The following KIDINS220 variants were observed in gnomAD, a reference collection of about 807,000 sequenced individuals.
KIDINS220 encodes kinase D interacting substrate 220, also known as kinase D-interacting substrate of 220 kDa.
In KIDINS220, 63 loss-of-function variants were observed where a neutral mutation model predicts 157.6. That is an observed-to-expected ratio of 0.40 (90% CI 0.33 to 0.49). KIDINS220 has a LOEUF of 0.49. Ranked by LOEUF, KIDINS220 falls within the 20% of genes least tolerant of loss-of-function variation. KIDINS220 has a pLI of 0.66. For missense variants in KIDINS220, 1,772 were observed against 2,171.2 expected (o/e 0.82, Z 3.65); for synonymous variants, 732 against 783.6 (o/e 0.93, Z 1.10).
At chr2:8,746,515 C>CA (rs1666601673) in intron 26 of KIDINS220, 1 of 148,346 alleles carries the variant, frequency 6.7e-6, no homozygotes, top group African/African-American at 2.5e-5. Context: ...AAGGTGTTGG[C>CA]AAAAAATAAA....
chr2:8,823,667 T>C (rs531407362), intron 2 of KIDINS220, among the ~76,000 whole-genome samples: 11 of 152,318 alleles, frequency 7.2e-5, no homozygotes, highest in African/African-American at 2.6e-4. Context: ...TGCTATTTTT[T>C]CCTTCCAAGT....
At chr2:8,741,091 CA>C (rs1665560923) in intron 26 of KIDINS220, among the ~76,000 whole-genome samples, 1 of 152,042 alleles carries the variant, frequency 6.6e-6, no homozygotes, top group South Asian at 2.1e-4. Context: ...TAGAGATTTG[CA>C]AAAATACCAA....
At chr2:8,770,623 A>C in intron 22 of KIDINS220, 47 bp downstream of exon 22, 1 of 969,830 alleles carries the variant, frequency 1.0e-6, no homozygotes. Flanking sequence ...TTTTTTTTTT[A>C]ACTCAACCTA....
In KIDINS220 at chr2:8,823,193, C is replaced by T. The variant is rs187981270; in HGVS notation, c.108+3793G>A. ...CCCAGGCTGGTCTCAAACTCCTAGG[C>T]TCAAGAGATTCAGCCTCTCAAAGTG... On this transcript the variant is annotated intron_variant, in intron 2 of 29. Coordinates refer to ENST00000256707, the MANE Select transcript of KIDINS220 (RefSeq NM_020738.4). Among the ~76,000 whole-genome samples, 186 of 152,146 alleles carry T rather than the reference C, an allele frequency of 1.2e-3. 1 individual carries two copies. The highest frequency in any genetic ancestry group is 1.5e-3 in the Non-Finnish European group (102 of 67,994).
intron 29 of KIDINS220, among the ~76,000 whole-genome samples, chr2:8,733,128 G>A (rs185886077): frequency 6.6e-5 from 10 of 152,274 alleles, no homozygotes; most frequent in Admixed American, 5.9e-4. Context: ...CAGGAAGATC[G>A]CCTGAGAAAG....
intron 22 of KIDINS220, 109 bp from the exon 23 acceptor site, chr2:8,751,753 G>A: frequency 1.3e-6 from 1 of 759,768 alleles, no homozygotes; most frequent in Non-Finnish European, 2.1e-6. Flanking sequence ...TTGGTCTGAT[G>A]GATTTGGTCT....
At chr2:8,834,592 A>AT (rs1272598597) in intron 1 of KIDINS220, among the ~76,000 whole-genome samples, 5 of 151,962 alleles carry the variant, frequency 3.3e-5, no homozygotes, top group African/African-American at 1.2e-4. Flanking sequence ...AAACAAATGT[A>AT]GCTCAATGAG....
intron 22 of KIDINS220, among the ~76,000 whole-genome samples, chr2:8,753,291 TAAAG>T (rs1374208666): frequency 6.6e-6 from 1 of 151,934 alleles, no homozygotes; most frequent in South Asian, 2.1e-4. Flanking sequence ...ATCCAACCAA[TAAAG>T]AGTGTATAGC....
intron 17 of KIDINS220, 126 bp from the exon 18 acceptor site, chr2:8,779,940 G>T (rs1160201333): frequency 2.2e-6 from 2 of 929,678 alleles, no homozygotes; most frequent in African/African-American, 1.7e-5. Context: ...CTTGCTGCCA[G>T]TTGTGCTTCC....
At chr2:8,835,270 G>A (rs930065222) in intron 1 of KIDINS220, among the ~76,000 whole-genome samples, 14 of 152,160 alleles carry the variant, frequency 9.2e-5, no homozygotes, top group Non-Finnish European at 2.9e-5. Flanking sequence ...GCATAGGTAT[G>A]CTAAAGATAC....
At chr2:8,802,478 G>A (rs1674857586) in intron 8 of KIDINS220, among the ~76,000 whole-genome samples, 2 of 152,244 alleles carry the variant, frequency 1.3e-5, no homozygotes, top group African/African-American at 2.4e-5. Flanking sequence ...AGGATTTGGG[G>A]CTTCAACAAG....
At chr2:8,797,579 C>T (rs1278371903) in intron 10 of KIDINS220, among the ~76,000 whole-genome samples, 1 of 152,184 alleles carries the variant, frequency 6.6e-6, no homozygotes, top group Non-Finnish European at 1.5e-5. Flanking sequence ...CGGTCCTGAT[C>T]TACAGCAGAT....
At chr2:8,746,220 G>A (rs199544742) in intron 26 of KIDINS220, among the ~76,000 whole-genome samples, 3 of 150,832 alleles carry the variant, frequency 2.0e-5, no homozygotes, top group African/African-American at 2.4e-5. Flanking sequence ...CTCCTGCCTC[G>A]GCCTCCCAAG....
intron 24 of KIDINS220, among the ~76,000 whole-genome samples, chr2:8,749,040 C>T (rs1368777748): frequency 6.6e-6 from 1 of 152,144 alleles, no homozygotes; most frequent in Non-Finnish European, 1.5e-5. Context: ...CTGCCTACCA[C>T]ACAGTTAAAT....
chr2:8,752,110 T>C (rs1219400600), intron 22 of KIDINS220, among the ~76,000 whole-genome samples: 1 of 152,112 alleles, frequency 6.6e-6, no homozygotes, highest in Non-Finnish European at 1.5e-5. Context: ...AACCTCTGCC[T>C]CCCAACTCAA....
chr2:8,749,760 T>C (rs1667050402), intron 24 of KIDINS220, among the ~76,000 whole-genome samples: 1 of 152,024 alleles, frequency 6.6e-6, no homozygotes, highest in South Asian at 2.1e-4. Context: ...AATGCCAATA[T>C]AAACTATTAT....
downstream of KIDINS220, among the ~76,000 whole-genome samples, chr2:8,725,905 T>C (rs1431910797): frequency 3.9e-5 from 6 of 152,202 alleles, no homozygotes; most frequent in Admixed American, 3.3e-4. Context: ...CACATACCAC[T>C]AGTGTAAATA....
chr2:8,740,089 T>A (rs1029103238), intron 26 of KIDINS220: 2 of 689,572 alleles, frequency 2.9e-6, no homozygotes, highest in Admixed American at 1.3e-4. Flanking sequence ...CAGCATGAAG[T>A]TGCCAATGAT....
intron 22 of KIDINS220, among the ~76,000 whole-genome samples, chr2:8,769,335 T>C (rs58696579): frequency 0.03 from 4,595 of 152,274 alleles, 250 homozygotes; most frequent in African/African-American, 0.11. Flanking sequence ...AGTAATATAC[T>C]ACTCCTAAAC....
Sources: allele counts gnomAD v4.1 joint callset (sites outside exome capture counted in the v4.1 genomes callset), GRCh38; gene constraint gnomAD v4.1.1; transcripts MANE v1.5; gene names NCBI Gene and HGNC (gene_info 2026-07-23, HGNC 2026-07-21).